DLG2: variants seen among roughly 807,000 people sequenced by gnomAD.
DLG2 encodes disks large homolog 2.
A neutral mutation model predicts 132.5 loss-of-function variants in DLG2; 45 were observed. That is an observed-to-expected ratio of 0.34 (90% CI 0.27 to 0.44). The LOEUF is 0.44. DLG2 is among the 20% of genes least tolerant of loss of function. The pLI is 1.00. For synonymous variants in DLG2, 424 were observed against 419.6 expected (o/e 1.01, Z -0.13); for missense variants, 1,045 against 1,196.9 (o/e 0.87, Z 1.87).
intron 3 of DLG2, among the ~76,000 whole-genome samples, chr11:85,449,545 G>A (rs1433462948): frequency 1.3e-5 from 2 of 151,688 alleles, no homozygotes; most frequent in Non-Finnish European, 2.9e-5. Flanking sequence ...TCTTATATTA[G>A]AGAGTACATG....
chr11:84,024,455 A>T (rs573341857), intron 11 of DLG2, among the ~76,000 whole-genome samples: 28 of 152,300 alleles, frequency 1.8e-4, no homozygotes, highest in African/African-American at 6.0e-4. Context: ...AAGAGATATC[A>T]GCCACCTCAT....
chr11:84,652,074 A>C (rs2099682695), intron 6 of DLG2, among the ~76,000 whole-genome samples: 1 of 152,218 alleles, frequency 6.6e-6, no homozygotes, highest in Non-Finnish European at 1.5e-5. Context: ...TGATAGCCAG[A>C]TGATTATGAA....
At chr11:85,402,841 A>G (rs2088289611) in intron 3 of DLG2, among the ~76,000 whole-genome samples, 2 of 152,168 alleles carry the variant, frequency 1.3e-5, no homozygotes, top group Admixed American at 1.3e-4. Context: ...GTCAGTAAAC[A>G]AGAGATGCTG....
At chr11:83,715,223 A>C (rs2086425264) in intron 18 of DLG2, among the ~76,000 whole-genome samples, 1 of 152,148 alleles carries the variant, frequency 6.6e-6, no homozygotes, top group Non-Finnish European at 1.5e-5. Context: ...CCTCAAATCC[A>C]CCAGGCACCA....
intron 3 of DLG2, among the ~76,000 whole-genome samples, chr11:85,454,325 C>T (rs921254464): frequency 2.0e-5 from 3 of 151,724 alleles, no homozygotes; most frequent in Non-Finnish European, 4.4e-5. Context: ...TTCTTGTTGA[C>T]CACATGTATG....
At chr11:84,999,747 T>C (rs1365624849) in intron 6 of DLG2, among the ~76,000 whole-genome samples, 2 of 151,972 alleles carry the variant, frequency 1.3e-5, no homozygotes, top group Non-Finnish European at 2.9e-5. Flanking sequence ...AGGAATAGGG[T>C]TTCAATTTAG....
At chr11:84,301,586 G>C (rs537711989) in intron 7 of DLG2, among the ~76,000 whole-genome samples, 1 of 150,144 alleles carries the variant, frequency 6.7e-6, no homozygotes, top group Non-Finnish European at 1.5e-5. Flanking sequence ...GTGAACCCGG[G>C]AGGTGGAGCT....
intron 4 of DLG2, among the ~76,000 whole-genome samples, chr11:85,163,052 A>G (rs1430992640): frequency 1.3e-5 from 2 of 152,186 alleles, no homozygotes; most frequent in East Asian, 3.8e-4. Flanking sequence ...TTCCCAGCCT[A>G]CATCCTTCTC....
At chr11:83,849,108 C>G (rs2059191305) in intron 16 of DLG2, among the ~76,000 whole-genome samples, 1 of 152,122 alleles carries the variant, frequency 6.6e-6, no homozygotes, top group Admixed American at 6.5e-5. Flanking sequence ...AGACACACAT[C>G]TAAGTTTAAA....
chr11:84,968,025 T>C (rs73521216), intron 6 of DLG2, among the ~76,000 whole-genome samples: 3,292 of 152,218 alleles, frequency 0.022, 119 homozygotes, highest in African/African-American at 0.074. Context: ...GACAATCATG[T>C]TAAAGAACTA....
At chr11:84,988,718 G>A (rs1005028570) in intron 6 of DLG2, among the ~76,000 whole-genome samples, 4 of 152,112 alleles carry the variant, frequency 2.6e-5, no homozygotes, top group African/African-American at 9.7e-5. Flanking sequence ...AGAACTCAGT[G>A]GGGAAAGGAT....
At chr11:84,003,386 A>C (rs1167775773) in intron 11 of DLG2, among the ~76,000 whole-genome samples, 2 of 151,932 alleles carry the variant, frequency 1.3e-5, no homozygotes, top group East Asian at 3.9e-4. Context: ...TCCTGGTACC[A>C]TTTTCCTGTA....
intron 7 of DLG2, among the ~76,000 whole-genome samples, chr11:84,519,805 C>A (rs989726128): frequency 1.3e-5 from 2 of 152,156 alleles, no homozygotes; most frequent in Non-Finnish European, 2.9e-5. Flanking sequence ...ACTTGAAATT[C>A]ATTCCATCCA....
chr11:84,351,356 T>C (rs1173761393), intron 7 of DLG2, among the ~76,000 whole-genome samples: 1 of 152,150 alleles, frequency 6.6e-6, no homozygotes, highest in African/African-American at 2.4e-5. Context: ...AATTTTATTC[T>C]TATTTTTCTT....
intron 7 of DLG2, among the ~76,000 whole-genome samples, chr11:84,284,760 GA>G (rs1472305689): frequency 1.3e-5 from 2 of 152,156 alleles, no homozygotes. Flanking sequence ...AAAGCTACCT[GA>G]ACTCAACTGT....
chr11:84,511,456 T>C (rs780253059), intron 7 of DLG2, among the ~76,000 whole-genome samples: 1 of 152,174 alleles, frequency 6.6e-6, no homozygotes, highest in African/African-American at 2.4e-5. Context: ...ATAATATTTA[T>C]ACTTCAGGTT....
chr11:84,347,618 T>G (rs984064291), intron 7 of DLG2, among the ~76,000 whole-genome samples: 3 of 152,190 alleles, frequency 2.0e-5, no homozygotes, highest in African/African-American at 7.2e-5. Flanking sequence ...AAAGCTTCTG[T>G]GGTCATGACA....
intron 6 of DLG2, among the ~76,000 whole-genome samples, chr11:84,582,909 G>T (rs1469596906): frequency 1.3e-5 from 2 of 152,242 alleles, no homozygotes; most frequent in East Asian, 1.9e-4. Flanking sequence ...TTCAGCTAAG[G>T]GTCAGGTGTC....
chr11:85,374,551 G>A (rs2085251275), intron 3 of DLG2, among the ~76,000 whole-genome samples: 1 of 152,072 alleles, frequency 6.6e-6, no homozygotes, highest in South Asian at 2.1e-4. Flanking sequence ...GTTGGCCATG[G>A]TTGGCCAGGC....
Sources: allele counts gnomAD v4.1 joint callset (sites outside exome capture counted in the v4.1 genomes callset), GRCh38; gene constraint gnomAD v4.1.1; transcripts MANE v1.5; gene names NCBI Gene and HGNC (gene_info 2026-07-23, HGNC 2026-07-21).